Variants in LRPPRC observed in about 807,000 individuals in gnomAD.
The protein encoded by LRPPRC is leucine-rich PPR motif-containing protein, mitochondrial.
In LRPPRC, 120 loss-of-function variants were observed where a neutral mutation model predicts 180.3. The observed-to-expected ratio is 0.67, with a 90% confidence interval of 0.57 to 0.77. LRPPRC has a LOEUF of 0.77. LRPPRC is among the 30% of genes least tolerant of loss of function. LRPPRC has a pLI of 0.00. For missense variants in LRPPRC, 2,012 were observed against 1,657.2 expected (o/e 1.21, Z -3.72); for synonymous variants, 723 against 600.0 (o/e 1.21, Z -3.00).
chr2:43,887,574 A>AGAGT lies in LRPPRC; in HGVS notation c.*1022_*1025dup, dbSNP rs1049026877. 8 of 152,244 alleles carry AGAGT rather than the reference A, an allele frequency of 5.3e-5. No individual in the cohort carries two copies. Among genetic ancestry groups the AGAGT allele is most frequent in the African/African-American group, 1.9e-4 (8 of 41,462 alleles). 9.4% of individuals were successfully genotyped at this position (152,244 alleles called of 1,614,324 possible). On this transcript the variant is annotated 3_prime_UTR_variant, in exon 38 of 38. Coordinates refer to ENST00000260665, the MANE Select transcript of LRPPRC (RefSeq NM_133259.4). ...GAACAAGGAATACCCCAAAATGGGG[A>AGAGT]GAGTTCTCAAAACATTTTCAACATT...
Position 43,985,269 on chromosome 2 carries a change from C to T in LRPPRC, c.150-2835G>A, listed in dbSNP as rs897348132. Among the ~76,000 whole-genome samples, 5 of 151,980 alleles carry T rather than the reference C, an allele frequency of 3.3e-5. No homozygotes were observed. The East Asian group carries it at 9.6e-4, about 29-fold the overall frequency. On this transcript the variant is annotated intron_variant, in intron 1 of 37. Transcript: ENST00000260665. ...AAAGAACAGTTCCCACTTTCTTCTCCCTCCCATTTCCCCTAGTAACATTTT... is the reference window on the plus strand; with the variant it reads ...AAAGAACAGTTCCCACTTTCTTCTCTCTCCCATTTCCCCTAGTAACATTTT...
intron 29 of LRPPRC, among the ~76,000 whole-genome samples, chr2:43,917,295 G>A (rs1671508013): frequency 6.6e-6 from 1 of 151,772 alleles, no homozygotes; most frequent in Admixed American, 6.6e-5. Flanking sequence ...AGCTTTGGGA[G>A]GCTGAAGCCT....
intron 16 of LRPPRC, among the ~76,000 whole-genome samples, chr2:43,949,295 A>G (rs1165565212): frequency 6.6e-6 from 1 of 152,190 alleles, no homozygotes; most frequent in African/African-American, 2.4e-5. Flanking sequence ...CACCTGCAAA[A>G]CATTAAAAGC....
intron 16 of LRPPRC, 85 bp downstream of exon 16, chr2:43,949,517 T>C: frequency 2.1e-6 from 2 of 932,582 alleles, no homozygotes; most frequent in Non-Finnish European, 3.5e-6. Context: ...AAATAAAGTA[T>C]TTACTGCTGT....
intron 31 of LRPPRC, among the ~76,000 whole-genome samples, chr2:43,904,209 T>G (rs1670986187): frequency 6.6e-6 from 1 of 152,148 alleles, no homozygotes; most frequent in African/African-American, 2.4e-5. Flanking sequence ...CCCAAAGTGC[T>G]GGGATTACAG....
At chr2:43,945,989 C>T (rs2105082184) in intron 21 of LRPPRC, 124 bp downstream of exon 21, 2 of 1,040,472 alleles carry the variant, frequency 1.9e-6, no homozygotes, top group Non-Finnish European at 2.9e-6. Flanking sequence ...TTCAAAAACA[C>T]TGACAACAAA....
chr2:43,963,414 T>C (rs957814116), intron 12 of LRPPRC, 174 bp downstream of exon 12: 2 of 649,174 alleles, frequency 3.1e-6, no homozygotes, highest in Non-Finnish European at 5.5e-6. Flanking sequence ...ATTGCACTCC[T>C]GCCTGGGCAA....
rs376622590 is a variant in LRPPRC at position 43,982,244 on chromosome 2, G to C, written c.340C>G (p.Arg114Gly). ...ACAGGAAATTTTGAAATACCTGAGC[G>C]GCAGGTATCATTAAAAACTTTTTGT... The part of the protein sequence containing the change: ...LLQKVFNDTC[R>G]SGGLGGSHAL... Residue 114 changes from arginine to glycine, a missense_variant, in exon 2 of 38, where the codon CGC becomes GGC. By Grantham distance (125) the Arg-to-Gly change is moderately radical. Coordinates refer to ENST00000260665, the MANE Select transcript of LRPPRC (RefSeq NM_133259.4). 7.7e-5 allele frequency: 120 copies of C among 1,566,400 alleles called. No individual in the cohort carries two copies. The highest frequency in any genetic ancestry group is 1.0e-4 in the Non-Finnish European group (118 of 1,158,862).
At chr2:43,894,160 T>C (rs1670597891) in intron 36 of LRPPRC, among the ~76,000 whole-genome samples, 1 of 151,942 alleles carries the variant, frequency 6.6e-6, no homozygotes, top group Non-Finnish European at 1.5e-5. Context: ...AGAAGGCCAG[T>C]TAAGTGAGTC....
At chr2:43,968,764 T>A (rs1042264292) in intron 11 of LRPPRC, among the ~76,000 whole-genome samples, 2 of 152,176 alleles carry the variant, frequency 1.3e-5, no homozygotes, top group Non-Finnish European at 2.9e-5. Context: ...AACTTTCTGT[T>A]AATAAGATGA....
intron 13 of LRPPRC, 26 bp downstream of exon 13, chr2:43,960,515 G>C (rs763672751): frequency 2.5e-6 from 3 of 1,216,390 alleles, no homozygotes; most frequent in Non-Finnish European, 3.7e-6. Context: ...CATCTATCAA[G>C]TTTACCGCTA....
intron 11 of LRPPRC, 90 bp downstream of exon 11, chr2:43,973,517 T>C (rs995843578): frequency 1.1e-5 from 9 of 829,340 alleles, no homozygotes; most frequent in East Asian, 7.3e-5. Context: ...GGAATAAGTA[T>C]GCTTTTCCAA....
At chr2:43,894,494 A>C in intron 36 of LRPPRC, 51 bp downstream of exon 36, 1 of 914,588 alleles carries the variant, frequency 1.1e-6, no homozygotes, top group South Asian at 1.3e-5. Flanking sequence ...TAGTCACTTA[A>C]ATAATAAAGC....
chr2:43,973,303 T>C (rs1385554046), intron 11 of LRPPRC, among the ~76,000 whole-genome samples: 13 of 152,076 alleles, frequency 8.5e-5, no homozygotes, highest in Admixed American at 7.9e-4. Context: ...TCAAACACTA[T>C]ATATAAAATC....
chr2:43,894,795 CAAT>C (rs1222944230), intron 35 of LRPPRC, among the ~76,000 whole-genome samples, 166 bp from the exon 36 acceptor site: 5 of 152,156 alleles, frequency 3.3e-5, no homozygotes, highest in African/African-American at 4.8e-5. Flanking sequence ...GATATTGACT[CAAT>C]AATCTACAGC....
chr2:43,982,473 T>C (rs1429451348), intron 1 of LRPPRC, 39 bp from the exon 2 acceptor site: 1 of 1,456,588 alleles, frequency 6.9e-7, no homozygotes, highest in African/African-American at 1.4e-5. Context: ...TCAGTTGCTA[T>C]CTATTTAGGT....
intron 12 of LRPPRC, among the ~76,000 whole-genome samples, chr2:43,962,011 C>T (rs975918466): frequency 3.3e-5 from 5 of 152,156 alleles, no homozygotes; most frequent in African/African-American, 1.2e-4. Flanking sequence ...CTATTAAGCA[C>T]TTAACAGAGT....
intron 29 of LRPPRC, among the ~76,000 whole-genome samples, chr2:43,915,243 CA>C (rs1671422792): frequency 8.5e-6 from 1 of 118,298 alleles, no homozygotes; most frequent in Non-Finnish European, 1.8e-5. Context: ...CACACACACA[CA>C]CACACACACA....
chr2:43,964,285 CA>C (rs1440049399), intron 11 of LRPPRC, among the ~76,000 whole-genome samples: 2 of 152,096 alleles, frequency 1.3e-5, no homozygotes, highest in Non-Finnish European at 2.9e-5. Flanking sequence ...TTCCCACTCA[CA>C]AAAATCTCTT....
Sources: allele counts gnomAD v4.1 joint callset (sites outside exome capture counted in the v4.1 genomes callset), GRCh38; gene constraint gnomAD v4.1.1; transcripts MANE v1.5; gene names NCBI Gene and HGNC (gene_info 2026-07-23, HGNC 2026-07-21).